The following MYO16 variants were observed in gnomAD, a reference collection of about 807,000 sequenced individuals.
MYO16 encodes the protein myosin XVI, also known as unconventional myosin-XVI.
MYO16 carries 94 observed loss-of-function variants against 205.3 expected under a neutral mutation model. The observed-to-expected ratio is 0.46, with a 90% CI of 0.39 to 0.54. MYO16 has a LOEUF of 0.54. MYO16 is among the 20% of genes least tolerant of loss of function. MYO16 has a pLI of 0.00. For missense variants in MYO16, 2,315 were observed against 2,387.5 expected (o/e 0.97, Z 0.63); for synonymous variants, 988 against 954.0 (o/e 1.04, Z -0.66).
intron 2 of MYO16, among the ~76,000 whole-genome samples, chr13:108,696,555 G>A (rs1456677606): frequency 6.6e-6 from 1 of 152,116 alleles, no homozygotes; most frequent in Non-Finnish European, 1.5e-5. Flanking sequence ...ATTGATGGTG[G>A]ATTTCTTCAG....
chr13:109,061,261 C>T (rs1001591212), intron 27 of MYO16, among the ~76,000 whole-genome samples: 1 of 152,302 alleles, frequency 6.6e-6, no homozygotes, highest in Non-Finnish European at 1.5e-5. Context: ...TTCTTACATT[C>T]GTGTGCCCAC....
chr13:109,017,454 T>A (rs1885867763), intron 22 of MYO16, among the ~76,000 whole-genome samples: 2 of 152,136 alleles, frequency 1.3e-5, no homozygotes, highest in African/African-American at 2.4e-5. Flanking sequence ...TGGGGTTGCT[T>A]TTCTTGAGGA....
rs1882747911 is a variant in MYO16, at chr13:108,941,950, T to C, written c.1926-15738T>C. Reference sequence around the variant, plus strand: ...TTGACTCAAAGCAAATTTTGTTTTGTTTAATTGACTTTGAATTTTCTTAAA... The same window carrying C: ...TTGACTCAAAGCAAATTTTGTTTTGCTTAATTGACTTTGAATTTTCTTAAA... On this transcript the variant is annotated intron_variant, in intron 16 of 34. Transcript: ENST00000457511. 1.3e-5 allele frequency among the ~76,000 whole-genome samples: 2 copies of C among 152,224 alleles called. 1 individual carries two copies. The highest frequency in any genetic ancestry group is 1.3e-4 in the Admixed American group (2 of 15,282).
intron 3 of MYO16, among the ~76,000 whole-genome samples, chr13:108,718,706 C>T (rs1014252840): frequency 6.6e-6 from 1 of 152,038 alleles, no homozygotes; most frequent in Non-Finnish European, 1.5e-5. Context: ...CCCAGGGGTG[C>T]AATTCAAGAT....
At chr13:109,133,200 C>A (rs1303948998) in intron 31 of MYO16, among the ~76,000 whole-genome samples, 3 of 152,220 alleles carry the variant, frequency 2.0e-5, no homozygotes, top group Non-Finnish European at 4.4e-5. Flanking sequence ...GCAGCCTCAG[C>A]AGTCAGCTAG....
intron 34 of MYO16, among the ~76,000 whole-genome samples, chr13:109,202,604 C>A (rs1405885023): frequency 6.6e-6 from 1 of 152,078 alleles, no homozygotes; most frequent in Non-Finnish European, 1.5e-5. Flanking sequence ...TGGGTAGAAT[C>A]AACATTGTGA....
intron 28 of MYO16, among the ~76,000 whole-genome samples, chr13:109,118,361 A>G (rs755576027): frequency 3.9e-5 from 6 of 152,220 alleles, no homozygotes; most frequent in Non-Finnish European, 8.8e-5. Flanking sequence ...AATGGCTGTT[A>G]GAAATGCCAC....
At chr13:108,700,346 AAAAAGAAGAAG>A (rs1207399456) in intron 2 of MYO16, among the ~76,000 whole-genome samples, 30 of 21,358 alleles carry the variant, frequency 1.4e-3, no homozygotes, top group African/African-American at 3.4e-3. Flanking sequence ...AAAAAAAAAA[AAAAAGAAGAAG>A]AAGAAGAAGA....
chr13:108,960,397 G>A (rs1022046964), intron 17 of MYO16, among the ~76,000 whole-genome samples: 2 of 151,940 alleles, frequency 1.3e-5, no homozygotes. Context: ...ATGATTTAGG[G>A]GTTAACCAAA....
intron 16 of MYO16, among the ~76,000 whole-genome samples, chr13:108,938,116 T>C (rs1882571355): frequency 2.0e-5 from 3 of 152,176 alleles, no homozygotes; most frequent in Admixed American, 2.0e-4. Flanking sequence ...TCTTTTCCTC[T>C]CCCTTTTCCC....
At chr13:108,771,170 T>C (rs1464802035) in intron 4 of MYO16, among the ~76,000 whole-genome samples, 4 of 152,212 alleles carry the variant, frequency 2.6e-5, no homozygotes, top group African/African-American at 9.6e-5. Flanking sequence ...ACTTTATCAG[T>C]CTATGTCTAT....
chr13:108,732,109 T>C (rs561093971), intron 4 of MYO16, among the ~76,000 whole-genome samples: 11 of 152,192 alleles, frequency 7.2e-5, no homozygotes, highest in Non-Finnish European at 1.6e-4. Context: ...AAAAGATAAA[T>C]GTATTTTACT....
At chr13:108,919,693 A>G (rs1181435305) in intron 16 of MYO16, among the ~76,000 whole-genome samples, 1 of 152,228 alleles carries the variant, frequency 6.6e-6, no homozygotes, top group Admixed American at 6.5e-5. Flanking sequence ...AGTCAGTTAA[A>G]TGTCACAAAC....
At chr13:108,820,528 C>A in intron 8 of MYO16, 116 bp downstream of exon 8, 1 of 841,228 alleles carries the variant, frequency 1.2e-6, no homozygotes, top group Non-Finnish European at 1.9e-6. Flanking sequence ...GCCTGTGAAG[C>A]TGTGTAACAA....
At chr13:108,723,673 T>C (rs890469970) in intron 3 of MYO16, among the ~76,000 whole-genome samples, 1 of 152,210 alleles carries the variant, frequency 6.6e-6, no homozygotes, top group Non-Finnish European at 1.5e-5. Context: ...TATGTTTCAT[T>C]GATTAATTTC....
At position 108,844,501 on chromosome 13, in the gene MYO16, T is replaced by C. The variant is rs2139073228; in HGVS notation, c.1248+8T>C. The C allele has an allele frequency of 1.3e-6, 2 of 1,598,384 alleles. No homozygotes were observed. The highest frequency in any genetic ancestry group is 1.7e-6 in the Non-Finnish European group (2 of 1,169,902). Reference sequence around the variant, plus strand: ...TCCACCAAACCCGAGCAGGTAATCATGCTTTCACTGTGTGTCTACCAGTAC... The same window carrying C: ...TCCACCAAACCCGAGCAGGTAATCACGCTTTCACTGTGTGTCTACCAGTAC... On this transcript the variant is annotated splice_region_variant and intron_variant, in intron 10 of 34. Transcript: ENST00000457511.
chr13:108,745,756 G>C (rs1428192826), intron 4 of MYO16, among the ~76,000 whole-genome samples: 1 of 152,096 alleles, frequency 6.6e-6, no homozygotes, highest in African/African-American at 2.4e-5. Flanking sequence ...AGATTTAAAA[G>C]AACTATTATT....
intron 11 of MYO16, 103 bp from the exon 12 acceptor site, chr13:108,866,074 T>C: frequency 1.5e-5 from 11 of 721,560 alleles, no homozygotes; most frequent in Non-Finnish European, 2.2e-5. Flanking sequence ...GATTTTTTCT[T>C]ATTATTTATA....
Position 109,121,727 on chromosome 13 carries a change from G to GGC in MYO16, c.3535+1262_3535+1263dup, listed in dbSNP as rs1267415322. On this transcript the variant is annotated intron_variant, in intron 29 of 34. Coordinates refer to ENST00000457511, the MANE Select transcript of MYO16 (RefSeq NM_001198950.3). The stretch of plus-strand genomic sequence containing the variant: ...CCTCAGAGATATCACAGTGCACAGT[G>GGC]GCCCCAAACCCCCAGGAGCCACATA... 1.7e-4 allele frequency among the ~76,000 whole-genome samples: 26 copies of GGC among 152,290 alleles called. No individual in the cohort carries two copies. In the Middle Eastern group the frequency reaches 0.01, roughly 60 times the overall value.
Sources: allele counts gnomAD v4.1 joint callset (sites outside exome capture counted in the v4.1 genomes callset), GRCh38; gene constraint gnomAD v4.1.1; transcripts MANE v1.5; gene names NCBI Gene and HGNC (gene_info 2026-07-23, HGNC 2026-07-21).